The following HNF4G variants were observed in gnomAD, a reference collection of about 807,000 sequenced individuals.
The protein encoded by HNF4G is hepatocyte nuclear factor 4 gamma.
A neutral mutation model predicts 50.9 loss-of-function variants in HNF4G; 21 were observed. The ratio of observed to expected loss-of-function variants is 0.41; its 90% CI spans 0.29 to 0.59. The LOEUF (loss-of-function observed/expected upper bound fraction) is 0.59. Ranked by LOEUF, HNF4G falls within the 20% of genes least tolerant of loss-of-function variation. The pLI is 0.26. For missense variants in HNF4G, 527 were observed against 559.4 expected, an observed-to-expected ratio of 0.94 and a Z score of 0.58; for synonymous variants, 198 against 185.6, an observed-to-expected ratio of 1.07 and a Z score of -0.54.
chr8:75,523,308 C>T (rs182564897), intron 2 of HNF4G, among the ~76,000 whole-genome samples: 175 of 152,310 alleles, frequency 1.1e-3, no homozygotes, highest in African/African-American at 3.9e-3. Flanking sequence ...CTCAAATCCA[C>T]AGAATAATTA....
intron 1 of HNF4G, among the ~76,000 whole-genome samples, chr8:75,482,706 C>G (rs754584901): frequency 6.6e-6 from 1 of 152,008 alleles, no homozygotes; most frequent in Non-Finnish European, 1.5e-5. Flanking sequence ...CTTTCCTGAT[C>G]GCCTTTTGAT....
intron 1 of HNF4G, among the ~76,000 whole-genome samples, chr8:75,481,719 G>A (rs1330195802): frequency 2.0e-5 from 3 of 152,068 alleles, no homozygotes; most frequent in Admixed American, 1.3e-4. Context: ...GGAAATTTAA[G>A]ATCAACATGG....
intron 2 of HNF4G, among the ~76,000 whole-genome samples, chr8:75,532,468 A>T (rs1806354461): frequency 6.6e-6 from 1 of 152,046 alleles, no homozygotes; most frequent in Non-Finnish European, 1.5e-5. Flanking sequence ...GTATATTTTT[A>T]AAATTATATT....
At chr8:75,423,590 C>T (rs1439385370) in intron 1 of HNF4G, among the ~76,000 whole-genome samples, 1 of 151,770 alleles carries the variant, frequency 6.6e-6, no homozygotes, top group Non-Finnish European at 1.5e-5. Flanking sequence ...CGGGGTTTCA[C>T]CTTGTTAGCC....
chr8:75,409,952 C>A (rs1214767283), intron 1 of HNF4G, among the ~76,000 whole-genome samples: 3 of 152,234 alleles, frequency 2.0e-5, no homozygotes, highest in East Asian at 3.9e-4. Flanking sequence ...TCTCTAATCT[C>A]TATGTGTATA....
At chr8:75,494,238 A>G (rs963819534) in intron 2 of HNF4G, among the ~76,000 whole-genome samples, 5 of 151,988 alleles carry the variant, frequency 3.3e-5, no homozygotes, top group Non-Finnish European at 7.4e-5. Flanking sequence ...AAATGACAAT[A>G]AAATTAGACA....
chr8:75,484,440 T>A (rs772056507), intron 1 of HNF4G, among the ~76,000 whole-genome samples: 6 of 152,198 alleles, frequency 3.9e-5, no homozygotes, highest in Admixed American at 1.3e-4. Flanking sequence ...TGCACAAGGC[T>A]TCTGCCCATC....
chr8:75,451,853 C>T (rs1179402165), intron 1 of HNF4G, among the ~76,000 whole-genome samples: 1 of 152,178 alleles, frequency 6.6e-6, no homozygotes, highest in Non-Finnish European at 1.5e-5. Flanking sequence ...GGCTTTTGCT[C>T]TAGGGCCTTA....
chr8:75,474,831 G>A (rs997028826), intron 1 of HNF4G, among the ~76,000 whole-genome samples: 1 of 151,666 alleles, frequency 6.6e-6, no homozygotes, highest in African/African-American at 2.4e-5. Context: ...CGGAGTAGCT[G>A]GTATTACAGG....
rs1412960510 is a variant in HNF4G at position 75,560,566 on chromosome 8, AC to A, written c.1246+101del. Reference sequence around the variant, plus strand: ...CTATTAGTAACCAGAAATGGCAAAAACTTGGTGTAATTTCCCATCTGAGACT... The same window carrying A: ...CTATTAGTAACCAGAAATGGCAAAAATTGGTGTAATTTCCCATCTGAGACT... On this transcript the variant is annotated intron_variant, in intron 9 of 9. Coordinates refer to ENST00000396423, the MANE Select transcript of HNF4G (RefSeq NM_004133.5). 3 of 1,156,288 alleles carry A rather than the reference AC, an allele frequency of 2.6e-6. No homozygotes were observed. In the African/African-American group the frequency reaches 4.7e-5, roughly 18 times the overall value. 71.6% of individuals were successfully genotyped at this position (1,156,288 alleles called of 1,614,324 possible). A position where few individuals can be genotyped will look rare whatever the true frequency, so the allele number is the denominator to read the frequency against.
intron 2 of HNF4G, among the ~76,000 whole-genome samples, chr8:75,500,563 G>T (rs1812900837): frequency 6.6e-6 from 1 of 152,084 alleles, no homozygotes; most frequent in Non-Finnish European, 1.5e-5. Context: ...GAAAAAATAT[G>T]TAACAATGTC....
At chr8:75,410,837 T>C (rs1479588029) in intron 1 of HNF4G, among the ~76,000 whole-genome samples, 1 of 152,242 alleles carries the variant, frequency 6.6e-6, no homozygotes, top group Non-Finnish European at 1.5e-5. Context: ...TTATACCTAT[T>C]GGTGTCAGTC....
chr8:75,527,273 TGA>T (rs1806210548), intron 2 of HNF4G: 1 of 152,200 alleles, frequency 6.6e-6, no homozygotes, highest in African/African-American at 2.4e-5. Context: ...CTTTCAGATA[TGA>T]GTTATGGTAT....
At chr8:75,438,966 T>C (rs575524976) in intron 1 of HNF4G, among the ~76,000 whole-genome samples, 4 of 152,250 alleles carry the variant, frequency 2.6e-5, no homozygotes, top group South Asian at 2.1e-4. Context: ...AAACCATTTA[T>C]AGAGATCTTC....
chr8:75,501,182 G>C (rs1812916328), intron 2 of HNF4G, among the ~76,000 whole-genome samples: 1 of 152,158 alleles, frequency 6.6e-6, no homozygotes, highest in South Asian at 2.1e-4. Context: ...GCTCATACCA[G>C]TAATCCCAGC....
At chr8:75,449,927 C>A (rs1312985919) in intron 1 of HNF4G, among the ~76,000 whole-genome samples, 3 of 152,142 alleles carry the variant, frequency 2.0e-5, no homozygotes, top group African/African-American at 7.2e-5. Context: ...TTGTTACTAA[C>A]TATAGCCCCC....
chr8:75,432,494 T>G (rs577388965), intron 1 of HNF4G, among the ~76,000 whole-genome samples: 1 of 152,122 alleles, frequency 6.6e-6, no homozygotes, highest in South Asian at 2.1e-4. Context: ...AGAGATGGGG[T>G]TTCAGCATGT....
At chr8:75,529,008 C>A (rs2941451) in intron 2 of HNF4G, among the ~76,000 whole-genome samples, 1 of 152,012 alleles carries the variant, frequency 6.6e-6, no homozygotes, top group African/African-American at 2.4e-5. Context: ...AGATCTCTGC[C>A]GGGCGCGGTG....
intron 2 of HNF4G, among the ~76,000 whole-genome samples, chr8:75,523,781 G>A (rs989720190): frequency 6.6e-6 from 1 of 151,758 alleles, no homozygotes; most frequent in Non-Finnish European, 1.5e-5. Flanking sequence ...AGAAAACCAT[G>A]TCATTGCAGT....
Sources: allele counts gnomAD v4.1 joint callset (sites outside exome capture counted in the v4.1 genomes callset), GRCh38; gene constraint gnomAD v4.1.1; transcripts MANE v1.5; gene names NCBI Gene and HGNC (gene_info 2026-07-23, HGNC 2026-07-21).